Variants in IL1RAPL1 observed in about 807,000 individuals in gnomAD.
IL1RAPL1 encodes interleukin-1 receptor accessory protein-like 1.
Under a neutral mutation model 48.4 loss-of-function variants are expected in IL1RAPL1, and 3 were observed. That is an observed-to-expected ratio of 0.06 (90% CI 0.03 to 0.16). IL1RAPL1 has a LOEUF of 0.16. Among genes scored for constraint, IL1RAPL1 ranks in the 10% least tolerant of loss-of-function variants. IL1RAPL1 has a pLI of 1.00. For synonymous variants in IL1RAPL1, 185 were observed against 187.7 expected (o/e 0.99, Z 0.12); for missense variants, 349 against 530.6 (o/e 0.66, Z 3.36).
chrX:29,677,967 G>A (rs1926333199), intron 6 of IL1RAPL1, among the ~76,000 whole-genome samples: 1 of 111,124 alleles, frequency 9.0e-6, no homozygotes, highest in Admixed American at 9.6e-5. Flanking sequence ...AACTGCCCAT[G>A]GTGTCACTTG....
chrX:28,913,946 T>C (rs1416361361), intron 2 of IL1RAPL1, among the ~76,000 whole-genome samples: 1 of 111,568 alleles, frequency 9.0e-6, no homozygotes, highest in Non-Finnish European at 1.9e-5. Context: ...TGGAATCTTG[T>C]TAATGTTATC....
intron 2 of IL1RAPL1, among the ~76,000 whole-genome samples, chrX:29,060,931 T>C (rs1249802386): frequency 9.0e-6 from 1 of 111,693 alleles, no homozygotes; most frequent in African/African-American, 3.2e-5. Context: ...TCACTTAGGA[T>C]GAAATAAAAA....
chrX:29,338,152 C>T (rs1933023208), intron 3 of IL1RAPL1, among the ~76,000 whole-genome samples: 2 of 111,041 alleles, frequency 1.8e-5, no homozygotes, highest in Non-Finnish European at 3.8e-5. Context: ...ATAAATGATT[C>T]ACTGATTGAG....
At chrX:29,244,994 CA>C (rs1464454054) in intron 2 of IL1RAPL1, among the ~76,000 whole-genome samples, 2 of 106,560 alleles carry the variant, frequency 1.9e-5, no homozygotes, top group Non-Finnish European at 3.9e-5. Flanking sequence ...TCTTATACTT[CA>C]CCTCCCACTT....
intron 6 of IL1RAPL1, among the ~76,000 whole-genome samples, chrX:29,824,844 T>C (rs1490429484): frequency 2.7e-5 from 3 of 109,630 alleles, no homozygotes; most frequent in East Asian, 2.9e-4. Flanking sequence ...TATGAGGAAG[T>C]TGGGGGCTGG....
rs555483560 is a variant in IL1RAPL1 at position 28,596,461 on chromosome X, A to C, written c.-25+8414A>C. Among the ~76,000 whole-genome samples, 15 of 109,478 alleles carry C rather than the reference A, an allele frequency of 1.4e-4. No individual in the cohort carries two copies. In the South Asian group the frequency reaches 6.1e-3, roughly 44 times the overall value. ...TTCAAGGGGATGCAAGAGGGACTGC[A>C]AAGGTCCCTCCCTACAGAGATGACT... On this transcript the variant is annotated intron_variant, in intron 1 of 10. Coordinates refer to ENST00000378993, the MANE Select transcript of IL1RAPL1 (RefSeq NM_014271.4).
At chrX:29,355,040 C>T (rs1299285334) in intron 3 of IL1RAPL1, among the ~76,000 whole-genome samples, 1 of 111,739 alleles carries the variant, frequency 8.9e-6, no homozygotes, top group Non-Finnish European at 1.9e-5. Flanking sequence ...GTACAGTAAA[C>T]AAGAGTAAGG....
At chrX:28,887,595 A>G (rs1922667590) in intron 2 of IL1RAPL1, among the ~76,000 whole-genome samples, 1 of 111,209 alleles carries the variant, frequency 9.0e-6, no homozygotes, top group Non-Finnish European at 1.9e-5. Context: ...CAATCATCCT[A>G]TGCATTTGTT....
intron 2 of IL1RAPL1, among the ~76,000 whole-genome samples, chrX:29,232,909 C>A (rs1444752319): frequency 9.1e-6 from 1 of 110,301 alleles, no homozygotes; most frequent in Non-Finnish European, 1.9e-5. Context: ...AGTGATTCTC[C>A]TGTCTCGGCC....
At chrX:29,559,459 C>T (rs1922113556) in intron 5 of IL1RAPL1, among the ~76,000 whole-genome samples, 2 of 111,829 alleles carry the variant, frequency 1.8e-5, no homozygotes, top group African/African-American at 3.2e-5. Context: ...TGATCCTGGG[C>T]TTTTCTTTAT....
chrX:29,347,868 A>G (rs1461755155), intron 3 of IL1RAPL1, among the ~76,000 whole-genome samples: 1 of 111,521 alleles, frequency 9.0e-6, no homozygotes, highest in African/African-American at 3.3e-5. Context: ...TCTGATCACC[A>G]TGAGGGCTAC....
rs775527553 is a variant in IL1RAPL1 at position 28,769,649 on chromosome X, A to G, written c.-24-19671A>G. Among the ~76,000 whole-genome samples the G allele has an allele frequency of 1.4e-4, 16 of 111,664 alleles. No homozygotes were observed. The South Asian group carries it at 2.3e-3, about 16-fold the overall frequency. ...TTCATTTGATGACAGAGAGTATGAC[A>G]CAGTGAGTATGTCCTTTTGGGTTTC... is the stretch of plus-strand genomic sequence containing the variant. On this transcript the variant is annotated intron_variant, in intron 1 of 10. Transcript: ENST00000378993.
intron 5 of IL1RAPL1, among the ~76,000 whole-genome samples, chrX:29,623,660 T>C (rs1465615471): frequency 8.9e-6 from 1 of 112,222 alleles, no homozygotes; most frequent in African/African-American, 3.2e-5. Flanking sequence ...GGAATAATAT[T>C]TTTAATTCTT....
At chrX:28,780,535 C>T (rs148762468) in intron 1 of IL1RAPL1, among the ~76,000 whole-genome samples, 73 of 110,535 alleles carry the variant, frequency 6.6e-4, no homozygotes, top group Non-Finnish European at 6.3e-4. Context: ...GATTTAGAAA[C>T]GTATGGCTTT....
chrX:29,266,392 C>T lies in IL1RAPL1; in HGVS notation c.83-16546C>T, dbSNP rs909868205. On this transcript the variant is annotated intron_variant, in intron 2 of 10. Coordinates refer to ENST00000378993, the MANE Select transcript of IL1RAPL1 (RefSeq NM_014271.4). ...TCATTAGGAACAAAGGTCAATTGTGCGAGAAGGAGTCACCATTTATGACCT... is the reference window on the plus strand; with the variant it reads ...TCATTAGGAACAAAGGTCAATTGTGTGAGAAGGAGTCACCATTTATGACCT... 4.5e-4 allele frequency among the ~76,000 whole-genome samples: 50 copies of T among 111,542 alleles called. 1 individual carries two copies. Among genetic ancestry groups the T allele is most frequent in the Non-Finnish European group, 1.7e-4 (9 of 53,088 alleles).
chrX:29,054,471 G>T (rs773909432), intron 2 of IL1RAPL1, among the ~76,000 whole-genome samples: 33 of 111,159 alleles, frequency 3.0e-4, no homozygotes, highest in Non-Finnish European at 5.3e-4. Context: ...AGATAAAGCT[G>T]AGCTCATTAA....
intron 5 of IL1RAPL1, among the ~76,000 whole-genome samples, chrX:29,604,287 A>G (rs1923819395): frequency 8.9e-6 from 1 of 112,130 alleles, no homozygotes. Flanking sequence ...CAATCTATAT[A>G]TGAAATATTA....
chrX:29,764,386 G>A (rs1928829306), intron 6 of IL1RAPL1, among the ~76,000 whole-genome samples: 1 of 112,006 alleles, frequency 8.9e-6, no homozygotes, highest in Admixed American at 9.5e-5. Flanking sequence ...TTAAGGGAGG[G>A]CCTTTACTGG....
intron 3 of IL1RAPL1, among the ~76,000 whole-genome samples, chrX:29,291,579 C>T (rs930914636): frequency 2.7e-5 from 3 of 109,365 alleles, no homozygotes; most frequent in Admixed American, 9.8e-5. Flanking sequence ...CGACAGACCC[C>T]GGTATGTGAT....
Sources: gnomAD v4.1 joint callset for allele counts (sites outside exome capture counted in the v4.1 genomes callset) on GRCh38, gnomAD v4.1.1 for gene constraint, MANE v1.5 for transcripts, NCBI Gene and HGNC (gene_info 2026-07-23, HGNC 2026-07-21) for gene names.